PEAK1: variants seen among roughly 807,000 people sequenced by gnomAD.
PEAK1 encodes inactive tyrosine-protein kinase PEAK1.
PEAK1 carries 54 observed loss-of-function variants against 124.7 expected under a neutral mutation model. That is an observed-to-expected ratio of 0.43 (90% CI 0.35 to 0.54). The LOEUF is 0.54. Among genes scored for constraint, PEAK1 ranks in the 20% least tolerant of loss-of-function variants. The pLI is 0.01. For synonymous variants in PEAK1, 719 were observed against 760.0 expected, an observed-to-expected ratio of 0.95 and a Z score of 0.89; for missense variants, 2,046 against 2,134.5, an observed-to-expected ratio of 0.96 and a Z score of 0.82.
intron 6 of PEAK1, among the ~76,000 whole-genome samples, chr15:77,211,370 C>T (rs969812448): frequency 2.7e-4 from 41 of 152,024 alleles, no homozygotes; most frequent in African/African-American, 9.9e-4. Context: ...GCTTGATGTA[C>T]CATATAATAT....
intron 7 of PEAK1, 89 bp downstream of exon 7, chr15:77,178,701 G>T: frequency 7.8e-7 from 1 of 1,281,486 alleles, no homozygotes; most frequent in Non-Finnish European, 1.1e-6. Flanking sequence ...AACAGAAATG[G>T]TTCTTATGCA....
rs2057266553 is a variant in PEAK1, at chr15:77,181,454, C to A, written c.473G>T (p.Gly158Val). ...TCTTATCTGAGGGGCAGTATCCAAGCCTGCTATCTCCTTTAACACTTCAGT... is the reference window on the plus strand; with the variant it reads ...TCTTATCTGAGGGGCAGTATCCAAGACTGCTATCTCCTTTAACACTTCAGT... ...GLTEVLKEIA[G>V]LDTAPQIRGN... The change falls in exon 7 of 10, where the codon GGC becomes GTC. Residue 158 changes from glycine (G) to valine (V), a missense_variant. Transcript: ENST00000682557. 1 of 1,614,024 alleles carries A rather than the reference C, an allele frequency of 6.2e-7. No homozygotes were observed. The highest frequency in any genetic ancestry group is 8.5e-7 in the Non-Finnish European group (1 of 1,180,026).
Position 77,221,831 on chromosome 15 carries a change from C to T in PEAK1, c.-115+30536G>A, listed in dbSNP as rs192752128. Among the ~76,000 whole-genome samples, 8 of 152,210 alleles carry T rather than the reference C, an allele frequency of 5.3e-5. No individual in the cohort carries two copies. In the East Asian group the frequency reaches 1.5e-3, roughly 29 times the overall value. The stretch of plus-strand genomic sequence containing the variant: ...CAGGAATTTTGGGCCGAATCAAAGG[C>T]TCTGCCTGAAAAGATTACTAACCAA... On this transcript the variant is annotated intron_variant, in intron 6 of 9. Coordinates refer to ENST00000682557, the MANE Select transcript of PEAK1 (RefSeq NM_001385026.1).
Position 77,285,531 on chromosome 15 carries a change from T to C in PEAK1, c.-520-476A>G, listed in dbSNP as rs561897776. Among the ~76,000 whole-genome samples the C allele has an allele frequency of 2.7e-3, 416 of 152,254 alleles. 1 individual carries two copies. The highest frequency in any genetic ancestry group is 9.7e-3 in the African/African-American group (403 of 41,558). On this transcript the variant is annotated intron_variant, in intron 3 of 9. Coordinates refer to ENST00000682557, the MANE Select transcript of PEAK1 (RefSeq NM_001385026.1). ...ACATTGTGACATAATGGAAGGCAAATACGGTTTGGAGTCAGCAGATATGAG... is the reference window on the plus strand; with the variant it reads ...ACATTGTGACATAATGGAAGGCAAACACGGTTTGGAGTCAGCAGATATGAG...
chr15:77,141,119 T>C (rs11637488), intron 8 of PEAK1, among the ~76,000 whole-genome samples: 45,029 of 152,072 alleles, frequency 0.3, 7,268 homozygotes, highest in Middle Eastern at 0.39. Context: ...TCACAGATAA[T>C]ATAATCGTGT....
chr15:77,303,511 C>G (rs577137127), intron 2 of PEAK1, among the ~76,000 whole-genome samples: 29 of 152,220 alleles, frequency 1.9e-4, no homozygotes, highest in Middle Eastern at 3.4e-3. Context: ...CAATGTTGAC[C>G]ATCTTTTTAA....
intron 2 of PEAK1, among the ~76,000 whole-genome samples, chr15:77,344,122 T>C (rs1433275522): frequency 1.3e-5 from 2 of 151,946 alleles, no homozygotes; most frequent in Non-Finnish European, 2.9e-5. Context: ...GAGATAAGAG[T>C]TTCACTCTGT....
chr15:77,116,005 C>G (rs1222948544), intron 9 of PEAK1, among the ~76,000 whole-genome samples: 2 of 152,180 alleles, frequency 1.3e-5, no homozygotes, highest in Non-Finnish European at 2.9e-5. Context: ...TTTATGCTTT[C>G]TCTTAACAGG....
rs2057333101 is a variant in PEAK1 at position 77,182,597 on chromosome 15, TAA to T, written c.-114-559_-114-558del. ...TAAAATCCCATCTCTAAAAAAAATA[TAA>T]AAATTAGCTGGGTGTGGTAGCACAC... On this transcript the variant is annotated intron_variant, in intron 6 of 9. Coordinates refer to ENST00000682557, the MANE Select transcript of PEAK1 (RefSeq NM_001385026.1). Among the ~76,000 whole-genome samples, 3 of 151,164 alleles carry T rather than the reference TAA, an allele frequency of 2.0e-5. No homozygotes were observed. In the South Asian group the frequency reaches 6.3e-4, roughly 32 times the overall value.
chr15:77,269,944 G>C (rs1222448491), intron 5 of PEAK1, among the ~76,000 whole-genome samples: 2 of 152,152 alleles, frequency 1.3e-5, no homozygotes, highest in Non-Finnish European at 2.9e-5. Flanking sequence ...TAGTCATTCA[G>C]GAGCAGGCTG....
chr15:77,222,977 C>T (rs11853460), intron 6 of PEAK1, among the ~76,000 whole-genome samples: 99,381 of 151,708 alleles, frequency 0.66, 33,506 homozygotes, highest in Non-Finnish European at 0.75. Flanking sequence ...GTAATACCTG[C>T]GAGCTTGTTA....
At chr15:77,278,903 G>C (rs2062497326) in intron 5 of PEAK1, 1 of 231,770 alleles carries the variant, frequency 4.3e-6, no homozygotes. Flanking sequence ...CATCATCTCT[G>C]CTCACTGCAA....
chr15:77,133,819 A>T lies in PEAK1; in HGVS notation c.3332-69T>A. ...TTTTCAATCTAATTTTATAACTGAA[A>T]CTTGAGCAGAAATGAGTGAGGTAGC... is the stretch of plus-strand genomic sequence containing the variant. On this transcript the variant is annotated intron_variant, in intron 8 of 9. Coordinates refer to ENST00000682557, the MANE Select transcript of PEAK1 (RefSeq NM_001385026.1). This position sits in a 1 kb window ranked among gnomAD's most constrained non-coding sequence, Gnocchi z 4.2. 1 of 1,459,390 alleles carries T rather than the reference A, an allele frequency of 6.9e-7. No individual in the cohort carries two copies. The highest frequency in any genetic ancestry group is 2.6e-5 in the Admixed American group (1 of 38,446). The allele number at this position is 1,459,390 out of a possible 1,614,324, so 90.4% of individuals were successfully genotyped here. A position where few individuals can be genotyped will look rare whatever the true frequency, so the allele number is the denominator to read the frequency against.
intron 2 of PEAK1, among the ~76,000 whole-genome samples, chr15:77,291,946 C>T (rs1311727752): frequency 7.2e-6 from 1 of 139,400 alleles, no homozygotes; most frequent in East Asian, 2.1e-4. Flanking sequence ...CACTGCACTT[C>T]AGCCTGGGCG....
chr15:77,255,432 G>A (rs1005416186), intron 5 of PEAK1: 277 of 933,044 alleles, frequency 3.0e-4, no homozygotes, highest in South Asian at 9.4e-4. Flanking sequence ...CCCTGCATTA[G>A]AAAAGAAAGA....
intron 7 of PEAK1, among the ~76,000 whole-genome samples, chr15:77,177,335 C>T (rs1411587571): frequency 6.6e-6 from 1 of 152,112 alleles, no homozygotes; most frequent in Non-Finnish European, 1.5e-5. Flanking sequence ...ATTCAACTAC[C>T]AATGACAAGA....
At chr15:77,176,712 G>T (rs562461513) in intron 7 of PEAK1, among the ~76,000 whole-genome samples, 4 of 152,286 alleles carry the variant, frequency 2.6e-5, no homozygotes, top group Non-Finnish European at 5.9e-5. Flanking sequence ...TAAGAGGTCT[G>T]CCAAGCCCAG....
chr15:77,390,279 G>T (rs553582048), intron 1 of PEAK1, among the ~76,000 whole-genome samples: 2 of 152,304 alleles, frequency 1.3e-5, no homozygotes, highest in South Asian at 4.1e-4. Context: ...GCAGGAAAGA[G>T]GGAGAAGAAA....
intron 2 of PEAK1, among the ~76,000 whole-genome samples, chr15:77,287,865 G>A (rs1047011536): frequency 2.0e-5 from 3 of 152,044 alleles, no homozygotes; most frequent in Non-Finnish European, 4.4e-5. Context: ...CTAAAAGTTG[G>A]GCAATCATCT....
Sources: gnomAD v4.1 joint callset for allele counts (sites outside exome capture counted in the v4.1 genomes callset) on GRCh38, gnomAD v4.1.1 for gene constraint, Gnocchi (gnomAD v3.1) non-coding constraint, MANE v1.5 for transcripts, NCBI Gene and HGNC (gene_info 2026-07-23, HGNC 2026-07-21) for gene names.